Variants in FAM83C observed in about 807,000 individuals in gnomAD.
FAM83C encodes the protein protein FAM83C.
In FAM83C, 23 loss-of-function variants were observed where a neutral mutation model predicts 27.1. The observed-to-expected ratio is 0.85, with a 90% CI of 0.61 to 1.20. The LOEUF (loss-of-function observed/expected upper bound fraction) is 1.20. Among genes scored for constraint, FAM83C ranks in the 50% most tolerant of loss-of-function variants. The pLI is 0.00. For missense variants in FAM83C, 984 were observed against 1,001.3 expected, an observed-to-expected ratio of 0.98 and a Z score of 0.23; for synonymous variants, 426 against 423.1, an observed-to-expected ratio of 1.01 and a Z score of -0.09.
chr20:35,286,782 C>A lies in FAM83C; in HGVS notation c.1997G>T (p.Gly666Val). 2 of 1,614,154 alleles carry A rather than the reference C, an allele frequency of 1.2e-6. No individual in the cohort carries two copies. Among genetic ancestry groups the A allele is most frequent in the Non-Finnish European group, 1.7e-6 (2 of 1,180,028 alleles). ...GGTTAGCCGTTTCTCATCCCCAGAC[C>A]CAGCTCCAGCCGTGCGAGCAGGGCT... Reference protein sequence around the residue: ...ISSPARTAGAGSGDEKRLTLG... With the variant: ...ISSPARTAGAVSGDEKRLTLG... The change falls in exon 4 of 4, where the codon GGG becomes GTG. Residue 666 changes from glycine (G) to valine (V), a missense_variant. Coordinates refer to ENST00000374408, the MANE Select transcript of FAM83C (RefSeq NM_178468.6).
At chr20:35,288,087 C>T (rs912837028) in intron 3 of FAM83C, 115 bp from the exon 4 acceptor site, 1 of 894,482 alleles carries the variant, frequency 1.1e-6, no homozygotes, top group Non-Finnish European at 1.7e-6. Context: ...AACCCCACCA[C>T]CACGAGGGCT....
chr20:35,287,123 G>A lies in FAM83C; in HGVS notation c.1656C>T (p.Asp552=), dbSNP rs1322552009. Residue 552 remains aspartate (D), a synonymous_variant, in exon 4 of 4, where the codon GAC becomes GAT. Coordinates refer to ENST00000374408, the MANE Select transcript of FAM83C (RefSeq NM_178468.6). ...CTCGGGACAGGAGATCCAGCTGGCT[G>A]TCGGCCTGGCTTGGGGACAACCTCC... is the stretch of plus-strand genomic sequence containing the variant. The part of the protein sequence containing the change: ...EDRRLSPSQA[D]SQLDLLSRAL... 4.4e-6 allele frequency: 7 copies of A among 1,603,862 alleles called. No homozygotes were observed. The highest frequency in any genetic ancestry group is 5.9e-6 in the Non-Finnish European group (7 of 1,178,394).
At position 35,287,854 on chromosome 20, in the gene FAM83C, C is replaced by T. The variant is rs199661943; in HGVS notation, c.925G>A (p.Gly309Ser). 1 of 1,568,432 alleles carries T rather than the reference C, an allele frequency of 6.4e-7. No homozygotes were observed. The highest frequency in any genetic ancestry group is 2.4e-5 in the East Asian group (1 of 41,968). The change falls in exon 4 of 4, where the codon GGC (glycine) becomes AGC (serine). Residue 309 changes from glycine to serine, a missense_variant. Transcript: ENST00000374408. Reference protein sequence around the residue: ...CLYAESQPVEGFCGGEDPLSP... With the variant: ...CLYAESQPVESFCGGEDPLSP... ...AGCGGGTCCTCACCGCCACAGAAGC[C>T]CTCCACAGGCTGCGACTCAGCGTAC...
rs1371591510 is a variant in FAM83C, at chr20:35,287,716, G to A, written c.1063C>T (p.Pro355Ser). The part of the protein sequence containing the change: ...STSLSSIKQS[P>S]LMGRSSYLAL... ...AGGTAGGAGGAGCGACCCATAAGCGGTGACTGCTTGATGCTGCTGAGGCTG... is the reference window on the plus strand; with the variant it reads ...AGGTAGGAGGAGCGACCCATAAGCGATGACTGCTTGATGCTGCTGAGGCTG... Residue 355 changes from proline to serine, a missense_variant, in exon 4 of 4, where the codon CCG becomes TCG. Transcript: ENST00000374408. 2.5e-6 allele frequency: 4 copies of A among 1,614,048 alleles called. No homozygotes were observed. In the South Asian group the frequency reaches 3.3e-5, roughly 13 times the overall value.
In FAM83C at chr20:35,288,928, C is replaced by T; in HGVS notation, c.544G>A (p.Asp182Asn). 6.2e-7 allele frequency: 1 copy of T among 1,614,034 alleles called. No individual in the cohort carries two copies. Among genetic ancestry groups the T allele is most frequent in the Non-Finnish European group, 8.5e-7 (1 of 1,180,002 alleles). The change falls in exon 2 of 4, where the codon GAC becomes AAC. Residue 182 changes from aspartate (D) to asparagine (N), a missense_variant. Physicochemically the swap from Asp to Asn is conservative, Grantham distance 23. Coordinates refer to ENST00000374408, the MANE Select transcript of FAM83C (RefSeq NM_178468.6). ...VVAVVMDIFTDMELLCDLMEA... is the reference protein window; with the variant it reads ...VVAVVMDIFTNMELLCDLMEA... ...ATGAGGTCACACAGAAGCTCCATGT[C>T]AGTGAATATGTCCATCACCACAGCC...
At position 35,292,258 on chromosome 20, in the gene FAM83C, G is replaced by A. The variant is rs768048508; in HGVS notation, c.47C>T (p.Ala16Val). 6 of 1,564,810 alleles carry A rather than the reference G, an allele frequency of 3.8e-6. No homozygotes were observed. The highest frequency in any genetic ancestry group is 2.7e-5 in the African/African-American group (2 of 74,146). Reference protein sequence around the residue: ...GPGVLGAQGMAGPLRGRVEEL... With the variant: ...GPGVLGAQGMVGPLRGRVEEL... ...TTCCACCCGGCCCCGCAGGGGTCCC[G>A]CCATGCCCTGGGCTCCCAGGACCCC... The change falls in exon 1 of 4, where the codon GCG becomes GTG. Residue 16 changes from alanine to valine, a missense_variant. By Grantham distance (64) the Ala-to-Val change is moderately conservative. Transcript: ENST00000374408.
chr20:35,286,526 G>A lies in FAM83C; in HGVS notation c.*9C>T. Reference sequence around the variant, plus strand: ...CCTTGCCAGTGCACCCCCGATGCCAGTCCTTTGGCTAGGACTCAAAGCGGC... The same window carrying A: ...CCTTGCCAGTGCACCCCCGATGCCAATCCTTTGGCTAGGACTCAAAGCGGC... On this transcript the variant is annotated 3_prime_UTR_variant, in exon 4 of 4. Transcript: ENST00000374408. The A allele has an allele frequency of 6.3e-7, 1 of 1,596,632 alleles. No individual in the cohort carries two copies. The highest frequency in any genetic ancestry group is 8.5e-7 in the Non-Finnish European group (1 of 1,171,066).
At position 35,292,009 on chromosome 20, in the gene FAM83C, G is replaced by A; in HGVS notation, c.296C>T (p.Ala99Val). Residue 99 changes from alanine (A) to valine (V), a missense_variant, in exon 1 of 4, where the codon GCC (alanine) becomes GTC (valine). Coordinates refer to ENST00000374408, the MANE Select transcript of FAM83C (RefSeq NM_178468.6). The part of the protein sequence containing the change: ...PELSEAQGQE[A>V]SGPDRLSLLS... ...CAGGCTGAGGCGGTCTGGCCCGGAG[G>A]CCTCCTGCCCCTGAGCCTCGCTGAG... is the stretch of plus-strand genomic sequence containing the variant. 3.1e-6 allele frequency: 5 copies of A among 1,613,590 alleles called. No homozygotes were observed. Among genetic ancestry groups the A allele is most frequent in the Middle Eastern group, 1.7e-4 (1 of 6,050 alleles).
Position 35,287,575 on chromosome 20 carries a change from T to G in FAM83C, c.1204A>C (p.Asn402His). 4.3e-6 allele frequency: 7 copies of G among 1,614,104 alleles called. No homozygotes were observed. The highest frequency in any genetic ancestry group is 5.9e-6 in the Non-Finnish European group (7 of 1,179,988). ...PSLHRQLSDP[N>H]HGSPPGLYRA... Reference sequence around the variant, plus strand: ...TAGAGCCCAGGAGGGGAGCCGTGGTTAGGGTCTGACAGTTGGCGATGTAGG... The same window carrying G: ...TAGAGCCCAGGAGGGGAGCCGTGGTGAGGGTCTGACAGTTGGCGATGTAGG... Residue 402 changes from asparagine (N) to histidine (H), a missense_variant, in exon 4 of 4, where the codon AAC becomes CAC. Coordinates refer to ENST00000374408, the MANE Select transcript of FAM83C (RefSeq NM_178468.6).
intron 3 of FAM83C, 55 bp from the exon 4 acceptor site, chr20:35,288,027 G>A (rs979491212): frequency 1.4e-5 from 20 of 1,460,882 alleles, no homozygotes; most frequent in Admixed American, 4.1e-5. Flanking sequence ...CCTGGGGGTC[G>A]GCAGGAGTCA....
chr20:35,291,208 G>A (rs1261441687), intron 1 of FAM83C, among the ~76,000 whole-genome samples: 2 of 152,224 alleles, frequency 1.3e-5, no homozygotes, highest in Non-Finnish European at 2.9e-5. Context: ...CCCAGCTGCA[G>A]ATGTGGTGCA....
At position 35,286,628 on chromosome 20, in the gene FAM83C, C is replaced by T. The variant is rs199883334; in HGVS notation, c.2151G>A (p.Glu717=). 6.2e-7 allele frequency: 1 copy of T among 1,614,182 alleles called. No homozygotes were observed. The highest frequency in any genetic ancestry group is 8.5e-7 in the Non-Finnish European group (1 of 1,180,018). Residue 717 remains glutamate, a synonymous_variant, in exon 4 of 4, where the codon GAG becomes GAA. Transcript: ENST00000374408. The part of the protein sequence containing the change: ...NGGNSDLVRD[E]KRLTLGHSKL... ...TGCTGTGACCCAGGGTCAGCCGTTT[C>T]TCATCCCTGACCAGGTCACTGTTAC... is the stretch of plus-strand genomic sequence containing the variant.
At position 35,286,594 on chromosome 20, in the gene FAM83C, G is replaced by A. The variant is rs891593201; in HGVS notation, c.2185C>T (p.Leu729Phe). The A allele has an allele frequency of 4.3e-6, 7 of 1,614,110 alleles. No individual in the cohort carries two copies. The South Asian group carries it at 4.4e-5, about 10-fold the overall frequency. Residue 729 changes from leucine (L) to phenylalanine (F), a missense_variant, in exon 4 of 4, where the codon CTC becomes TTC. Physicochemically the swap from Leu to Phe is conservative, Grantham distance 22. Transcript: ENST00000374408. ...RLTLGHSKLD[L>F]ITKYNKSKFK... Reference sequence around the variant, plus strand: ...TTGGACTTGTTGTACTTAGTGATGAGGTCCAGTTTGCTGTGACCCAGGGTC... The same window carrying A: ...TTGGACTTGTTGTACTTAGTGATGAAGTCCAGTTTGCTGTGACCCAGGGTC...
At chr20:35,289,254 A>G (rs544163490) in intron 1 of FAM83C, among the ~76,000 whole-genome samples, 39 of 151,584 alleles carry the variant, frequency 2.6e-4, no homozygotes, top group Middle Eastern at 3.4e-3. Flanking sequence ...TTCTGCCTAG[A>G]ACTCCCAGGC....
chr20:35,290,679 G>A lies in FAM83C; in HGVS notation c.513+1113C>T, dbSNP rs183310937. ...GGGTCTAAATGGGGGCTGAGAAGGC[G>A]AGGCACTGGGGGATGCCCTAGTTCA... On this transcript the variant is annotated intron_variant, in intron 1 of 3. Coordinates refer to ENST00000374408, the MANE Select transcript of FAM83C (RefSeq NM_178468.6). Among the ~76,000 whole-genome samples, 468 of 152,310 alleles carry A rather than the reference G, an allele frequency of 3.1e-3. 1 individual carries two copies. The highest frequency in any genetic ancestry group is 4.9e-3 in the Non-Finnish European group (334 of 68,030).
At chr20:35,288,703 C>T in intron 2 of FAM83C, 88 bp downstream of exon 2, 20 of 1,550,576 alleles carry the variant, frequency 1.3e-5, no homozygotes, top group Non-Finnish European at 1.7e-5. Context: ...CCCAGTGCCC[C>T]CCAGTGCTGA....
At position 35,288,749 on chromosome 20, in the gene FAM83C, C is replaced by A. The variant is rs768391054; in HGVS notation, c.681+42G>T. ...ACTGGCTCCCCTGCCCTCCCTGACTCCCCGCCCACACCCCTGGTTACTGCC... is the reference window on the plus strand; with the variant it reads ...ACTGGCTCCCCTGCCCTCCCTGACTACCCGCCCACACCCCTGGTTACTGCC... On this transcript the variant is annotated intron_variant, in intron 2 of 3. Coordinates refer to ENST00000374408, the MANE Select transcript of FAM83C (RefSeq NM_178468.6). 17 of 1,557,156 alleles carry A rather than the reference C, an allele frequency of 1.1e-5. No individual in the cohort carries two copies. The Admixed American group carries it at 3.0e-4, about 27-fold the overall frequency.
rs888614097 is a variant in FAM83C, at chr20:35,289,451, G to A, written c.514-493C>T. Among the ~76,000 whole-genome samples, 7 of 151,580 alleles carry A rather than the reference G, an allele frequency of 4.6e-5. No individual in the cohort carries two copies. In the South Asian group the frequency reaches 1.0e-3, roughly 22 times the overall value. ...TGCCTTCTGGGTTCAAGCGATTCTCGTGTCTCAGCCTCTCAAGTAGCTGGA... is the reference window on the plus strand; with the variant it reads ...TGCCTTCTGGGTTCAAGCGATTCTCATGTCTCAGCCTCTCAAGTAGCTGGA... On this transcript the variant is annotated intron_variant, in intron 1 of 3. Coordinates refer to ENST00000374408, the MANE Select transcript of FAM83C (RefSeq NM_178468.6).
chr20:35,288,733 C>T, intron 2 of FAM83C, 58 bp downstream of exon 2: 10 of 1,555,858 alleles, frequency 6.4e-6, no homozygotes, highest in Non-Finnish European at 8.7e-6. Context: ...CACTGGCTCC[C>T]CTGCCCTCCC....
Sources: allele counts gnomAD v4.1 joint callset (sites outside exome capture counted in the v4.1 genomes callset), GRCh38; gene constraint gnomAD v4.1.1; transcripts MANE v1.5; gene names NCBI Gene and HGNC (gene_info 2026-07-23, HGNC 2026-07-21).